The following FSTL1 variants were observed in gnomAD, a reference collection of about 807,000 sequenced individuals.
The protein encoded by FSTL1 is follistatin like 1.
Under a neutral mutation model 45.9 loss-of-function variants are expected in FSTL1, and 24 were observed. The ratio of observed to expected loss-of-function variants is 0.52; its 90% CI spans 0.38 to 0.74. The LOEUF (loss-of-function observed/expected upper bound fraction) is 0.74. FSTL1 is among the 30% of genes least tolerant of loss of function. The pLI is 0.00. For synonymous variants in FSTL1, 120 were observed against 137.6 expected (o/e 0.87, Z 0.89); for missense variants, 340 against 381.8 (o/e 0.89, Z 0.91).
At chr3:120,415,853 G>A in intron 3 of FSTL1, 70 bp downstream of exon 3, 1 of 823,812 alleles carries the variant, frequency 1.2e-6, no homozygotes, top group Non-Finnish European at 2.1e-6. Context: ...ACTGCCTGCT[G>A]ATGGGTGGCT....
chr3:120,436,889 C>G (rs912090330), intron 2 of FSTL1, among the ~76,000 whole-genome samples: 1 of 152,242 alleles, frequency 6.6e-6, no homozygotes, highest in Admixed American at 6.5e-5. Context: ...AAGCATACAT[C>G]TGCCTCCATC....
At position 120,449,356 on chromosome 3, in the gene FSTL1, A is replaced by C. The variant is rs567793761; in HGVS notation, c.63+1328T>G. 2.6e-5 allele frequency among the ~76,000 whole-genome samples: 4 copies of C among 152,314 alleles called. No homozygotes were observed. The South Asian group carries it at 6.2e-4, about 24-fold the overall frequency. ...TGGTAAACAAAAATGTACTTGGTAA[A>C]TGTTAAACCATTGTGCTTGGAAGTG... On this transcript the variant is annotated intron_variant, in intron 2 of 10. Coordinates refer to ENST00000295633, the MANE Select transcript of FSTL1 (RefSeq NM_007085.5).
chr3:120,395,798 A>C lies in FSTL1; in HGVS notation c.*1154T>G. 2.0e-6 allele frequency: 1 copy of C among 496,856 alleles called. No individual in the cohort carries two copies. The highest frequency in any genetic ancestry group is 4.1e-6 in the Non-Finnish European group (1 of 245,976). The allele number at this position is 496,856 out of a possible 1,614,324, so 30.8% of individuals were successfully genotyped here. Reference sequence around the variant, plus strand: ...GCATTCTTACCAGCTCACTGAGGAAACTGAGGTCCAGAAAAAAGAAGAGAC... The same window carrying C: ...GCATTCTTACCAGCTCACTGAGGAACCTGAGGTCCAGAAAAAAGAAGAGAC... On this transcript the variant is annotated 3_prime_UTR_variant, in exon 11 of 11. Transcript: ENST00000295633.
intron 6 of FSTL1, among the ~76,000 whole-genome samples, chr3:120,406,803 C>A (rs1936956538): frequency 6.6e-6 from 1 of 152,026 alleles, no homozygotes; most frequent in Non-Finnish European, 1.5e-5. Flanking sequence ...TGCCTCTTTC[C>A]CCAGCTCTAT....
chr3:120,437,606 T>C (rs1294716611), intron 2 of FSTL1, among the ~76,000 whole-genome samples: 2 of 151,982 alleles, frequency 1.3e-5, no homozygotes, highest in Admixed American at 1.3e-4. Context: ...GTATTCTGTA[T>C]GTACACAGAC....
At position 120,407,802 on chromosome 3, in the gene FSTL1, T is replaced by C. The variant is rs544550020; in HGVS notation, c.462+1730A>G. 2.0e-5 allele frequency among the ~76,000 whole-genome samples: 3 copies of C among 152,346 alleles called. No homozygotes were observed. The East Asian group carries it at 5.8e-4, about 29-fold the overall frequency. ...GAGGGGATTTTGTGTCTGTCAGTCATGATCAAGCTTTCTTAGATGCCTGGT... is the reference window on the plus strand; with the variant it reads ...GAGGGGATTTTGTGTCTGTCAGTCACGATCAAGCTTTCTTAGATGCCTGGT... On this transcript the variant is annotated intron_variant, in intron 6 of 10. Coordinates refer to ENST00000295633, the MANE Select transcript of FSTL1 (RefSeq NM_007085.5).
In FSTL1 at chr3:120,392,404, T is replaced by G. The variant is rs1480472100; in HGVS notation, c.*4548A>C. ...GGCCAAAAAGTTCGAAGGCACAATG[T>G]TTGCAAGAATGTAGGGAAATGGATA... On this transcript the variant is annotated 3_prime_UTR_variant, in exon 11 of 11. Transcript: ENST00000295633. 2 of 152,216 alleles carry G rather than the reference T, an allele frequency of 1.3e-5. No homozygotes were observed. The highest frequency in any genetic ancestry group is 2.9e-5 in the Non-Finnish European group (2 of 68,036). The allele number at this position is 152,216 out of a possible 1,614,324, so 9.4% of individuals were successfully genotyped here. A position where few individuals can be genotyped will look rare whatever the true frequency, so the allele number is the denominator to read the frequency against.
At chr3:120,409,316 G>A (rs1018112674) in intron 6 of FSTL1, among the ~76,000 whole-genome samples, 7 of 152,230 alleles carry the variant, frequency 4.6e-5, no homozygotes, top group African/African-American at 1.7e-4. Context: ...AGCAGCACAT[G>A]TGTGTTAGAT....
At position 120,414,578 on chromosome 3, in the gene FSTL1, A is replaced by G. The variant is rs556620811; in HGVS notation, c.168+1345T>C. Among the ~76,000 whole-genome samples the G allele has an allele frequency of 4.9e-3, 749 of 152,236 alleles. 6 individuals carry two copies. Among genetic ancestry groups the G allele is most frequent in the African/African-American group, 0.017 (719 of 41,534 alleles). ...GGAAAGGTGGGGAAAAGATTGAGAA[A>G]TCGGATGGTTGCCATGTCTGTGTAG... On this transcript the variant is annotated intron_variant, in intron 3 of 10. Coordinates refer to ENST00000295633, the MANE Select transcript of FSTL1 (RefSeq NM_007085.5).
chr3:120,450,649 G>C (rs1348826629), intron 2 of FSTL1, 35 bp downstream of exon 2: 8 of 1,485,528 alleles, frequency 5.4e-6, no homozygotes, highest in Non-Finnish European at 7.2e-6. Flanking sequence ...AGAGGCCCCG[G>C]GGACCGAGTT....
chr3:120,400,057 T>C, intron 9 of FSTL1, 98 bp from the exon 10 acceptor site: 1 of 811,034 alleles, frequency 1.2e-6, no homozygotes, highest in Non-Finnish European at 2.1e-6. Context: ...ATCTCCCATT[T>C]AACTTGTGGA....
chr3:120,413,250 T>G (rs1040371039), intron 3 of FSTL1, among the ~76,000 whole-genome samples: 2 of 152,194 alleles, frequency 1.3e-5, no homozygotes, highest in African/African-American at 4.8e-5. Flanking sequence ...AGCCCAACCT[T>G]TCCAGTTTTA....
At chr3:120,398,094 G>A (rs1420839211) in intron 10 of FSTL1, among the ~76,000 whole-genome samples, 1 of 152,196 alleles carries the variant, frequency 6.6e-6, no homozygotes, top group Non-Finnish European at 1.5e-5. Flanking sequence ...GCTGGAGGAA[G>A]ATGAGAATGG....
intron 2 of FSTL1, among the ~76,000 whole-genome samples, chr3:120,417,739 A>T (rs915571240): frequency 6.6e-6 from 1 of 152,212 alleles, no homozygotes; most frequent in African/African-American, 2.4e-5. Flanking sequence ...AGTTATGGAC[A>T]CACAAATGCA....
intron 2 of FSTL1, among the ~76,000 whole-genome samples, chr3:120,427,999 A>C (rs889025421): frequency 1.3e-5 from 2 of 151,722 alleles, no homozygotes; most frequent in African/African-American, 4.9e-5. Context: ...AAATGGGCTT[A>C]TTATCTGAGG....
At chr3:120,445,190 C>A (rs1433747596) in intron 2 of FSTL1, among the ~76,000 whole-genome samples, 1 of 149,844 alleles carries the variant, frequency 6.7e-6, no homozygotes, top group Non-Finnish European at 1.5e-5. Context: ...GGATTAATGT[C>A]AATTAAGGCT....
At chr3:120,418,167 C>T (rs1223613506) in intron 2 of FSTL1, among the ~76,000 whole-genome samples, 1 of 152,162 alleles carries the variant, frequency 6.6e-6, no homozygotes, top group African/African-American at 2.4e-5. Context: ...TGAGTTATAA[C>T]AACTAATATT....
chr3:120,396,914 A>T lies in FSTL1; in HGVS notation c.*38T>A. The T allele has an allele frequency of 6.7e-7, 1 of 1,495,594 alleles. No homozygotes were observed. Among genetic ancestry groups the T allele is most frequent in the South Asian group, 1.1e-5 (1 of 88,690 alleles). 92.6% of individuals were successfully genotyped at this position (1,495,594 alleles called of 1,614,324 possible). A position where few individuals can be genotyped will look rare whatever the true frequency, so the allele number is the denominator to read the frequency against. Reference sequence around the variant, plus strand: ...TACTGAACTCAGCGCTGAAGTGGAGAAGATGCTGGGATCCAGACACTGGTC... The same window carrying T: ...TACTGAACTCAGCGCTGAAGTGGAGTAGATGCTGGGATCCAGACACTGGTC... On this transcript the variant is annotated 3_prime_UTR_variant, in exon 11 of 11. Transcript: ENST00000295633.
chr3:120,403,111 G>C lies in FSTL1; in HGVS notation c.694+131C>G, dbSNP rs982867957. On this transcript the variant is annotated intron_variant, in intron 8 of 10. Transcript: ENST00000295633. ...AACTTCACCATGGGGAGAATGGGCT[G>C]GGGCCCAGTTTAGAATCATGGAAGG... is the stretch of plus-strand genomic sequence containing the variant. The C allele has an allele frequency of 9.8e-6, 7 of 714,036 alleles. No individual in the cohort carries two copies. In the East Asian group the frequency reaches 1.8e-4, roughly 18 times the overall value. 44.2% of individuals were successfully genotyped at this position (714,036 alleles called of 1,614,324 possible). A position where few individuals can be genotyped will look rare whatever the true frequency, so the allele number is the denominator to read the frequency against.
Sources: allele counts gnomAD v4.1 joint callset (sites outside exome capture counted in the v4.1 genomes callset), GRCh38; gene constraint gnomAD v4.1.1; transcripts MANE v1.5; gene names NCBI Gene and HGNC (gene_info 2026-07-23, HGNC 2026-07-21).